The following GPHN variants were observed in gnomAD, a reference collection of about 807,000 sequenced individuals.
GPHN encodes the protein gephyrin.
In GPHN, 17 loss-of-function variants were observed where a neutral mutation model predicts 95.5. The ratio of observed to expected loss-of-function variants is 0.18; its 90% CI spans 0.12 to 0.27. The LOEUF is 0.27. Among genes scored for constraint, GPHN ranks in the 10% least tolerant of loss-of-function variants. GPHN has a pLI of 1.00. For synonymous variants in GPHN, 320 were observed against 322.5 expected (o/e 0.99, Z 0.08); for missense variants, 660 against 978.1 (o/e 0.67, Z 4.34).
intron 5 of GPHN, among the ~76,000 whole-genome samples, chr14:66,909,988 A>G (rs1382607989): frequency 6.6e-6 from 1 of 151,970 alleles, no homozygotes; most frequent in Non-Finnish European, 1.5e-5. Flanking sequence ...TTCATGATGT[A>G]GAGATTGTAA....
At chr14:67,336,528 G>A in the GPHN span, 36 of 327,186 alleles carry the variant, frequency 1.1e-4, no homozygotes, top group Non-Finnish European at 1.8e-4. Flanking sequence ...GCTTTACATT[G>A]AATTTACCTA....
At chr14:66,777,600 C>T (rs1037952693) in intron 3 of GPHN, among the ~76,000 whole-genome samples, 6 of 152,144 alleles carry the variant, frequency 3.9e-5, no homozygotes, top group Non-Finnish European at 8.8e-5. Flanking sequence ...CCGAATCCAG[C>T]AGCACATCAA....
chr14:66,739,416 C>G (rs2072600545), intron 2 of GPHN, among the ~76,000 whole-genome samples: 1 of 151,084 alleles, frequency 6.6e-6, no homozygotes, highest in Admixed American at 6.6e-5. Context: ...TGGGGTTTCA[C>G]TGTGTTAGCC....
chr14:67,299,066 A>G, the GPHN span, among the ~76,000 whole-genome samples: 7 of 152,174 alleles, frequency 4.6e-5, no homozygotes, highest in East Asian at 1.2e-3. Context: ...CCACTTACCT[A>G]TTGATGGATA....
chr14:66,738,358 A>G (rs1457618629), intron 2 of GPHN, among the ~76,000 whole-genome samples: 2 of 151,216 alleles, frequency 1.3e-5, no homozygotes, highest in African/African-American at 4.8e-5. Flanking sequence ...TCATTCTATT[A>G]TAAAGTTACT....
chr14:67,112,891 T>C (rs2078459558), intron 15 of GPHN, 127 bp from the exon 16 acceptor site: 1 of 777,456 alleles, frequency 1.3e-6, no homozygotes, highest in African/African-American at 1.7e-5. Flanking sequence ...TTCATTGTTT[T>C]CCTACTACTT....
At chr14:67,267,106 TCAAA>T in the GPHN span, among the ~76,000 whole-genome samples, 3 of 152,044 alleles carry the variant, frequency 2.0e-5, no homozygotes, top group Admixed American at 6.6e-5. Context: ...AGACCCTGTC[TCAAA>T]CAAACAAATA....
At chr14:67,650,344 G>C in the GPHN span, 4 of 259,660 alleles carry the variant, frequency 1.5e-5, no homozygotes, top group East Asian at 3.8e-4. Context: ...CAGGCATCTG[G>C]AAGGTTCCTA....
intron 13 of GPHN, among the ~76,000 whole-genome samples, chr14:67,108,322 CT>C (rs2078163547): frequency 6.6e-6 from 1 of 152,192 alleles, no homozygotes; most frequent in Non-Finnish European, 1.5e-5. Context: ...TTTTCTGTCT[CT>C]CTCCTACCCT....
the GPHN span, among the ~76,000 whole-genome samples, chr14:67,524,012 A>G: frequency 6.6e-6 from 1 of 152,184 alleles, no homozygotes; most frequent in Non-Finnish European, 1.5e-5. Context: ...CTGGAACTGC[A>G]TGTCTGTGTT....
intron 8 of GPHN, among the ~76,000 whole-genome samples, chr14:66,964,664 T>C (rs543647289): frequency 6.6e-6 from 1 of 152,304 alleles, no homozygotes; most frequent in African/African-American, 2.4e-5. Flanking sequence ...CAACCTTTGA[T>C]GATCTGGTAG....
the GPHN span, among the ~76,000 whole-genome samples, chr14:67,663,596 C>A: frequency 1.3e-5 from 2 of 152,110 alleles, no homozygotes; most frequent in African/African-American, 4.8e-5. Context: ...ATGGTGTGAA[C>A]CCAGGAGGCG....
chr14:67,266,164 A>G, the GPHN span, among the ~76,000 whole-genome samples: 2 of 152,186 alleles, frequency 1.3e-5, no homozygotes, highest in East Asian at 3.9e-4. Context: ...TACTTTGAAT[A>G]TATGTTTAAA....
chr14:66,721,371 C>T (rs1213324698), intron 2 of GPHN, among the ~76,000 whole-genome samples: 2 of 152,136 alleles, frequency 1.3e-5, no homozygotes, highest in Non-Finnish European at 2.9e-5. Context: ...GGAATTGTGA[C>T]TGGTAACATT....
intron 9 of GPHN, among the ~76,000 whole-genome samples, chr14:67,005,618 A>G (rs542008855): frequency 7.6e-6 from 1 of 132,416 alleles, no homozygotes; most frequent in African/African-American, 3.7e-5. Flanking sequence ...TATTTTGGGA[A>G]CACAGACTCA....
At chr14:67,349,904 A>G in the GPHN span, among the ~76,000 whole-genome samples, 2 of 152,216 alleles carry the variant, frequency 1.3e-5, no homozygotes, top group African/African-American at 4.8e-5. Context: ...GAAAGCTCCT[A>G]GATAATAGGC....
chr14:67,480,649 C>G, the GPHN span, among the ~76,000 whole-genome samples: 1 of 152,162 alleles, frequency 6.6e-6, no homozygotes, highest in Non-Finnish European at 1.5e-5. Flanking sequence ...AACTCAGGCC[C>G]CATGACCTGC....
At chr14:66,736,853 A>C (rs2072337838) in intron 2 of GPHN, among the ~76,000 whole-genome samples, 1 of 151,992 alleles carries the variant, frequency 6.6e-6, no homozygotes, top group South Asian at 2.1e-4. Context: ...CATTCTCCAC[A>C]TCTCTTAACC....
chr14:67,668,722 A>G, the GPHN span, among the ~76,000 whole-genome samples: 9 of 152,210 alleles, frequency 5.9e-5, no homozygotes, highest in African/African-American at 2.2e-4. Flanking sequence ...AGCCTTCATC[A>G]GAAACCCCCT....
Sources: allele counts gnomAD v4.1 joint callset (sites outside exome capture counted in the v4.1 genomes callset), GRCh38; gene constraint gnomAD v4.1.1; transcripts MANE v1.5; gene names NCBI Gene and HGNC (gene_info 2026-07-23, HGNC 2026-07-21).